AFF3: variants seen among roughly 807,000 people sequenced by gnomAD.
The protein encoded by AFF3 is AF4/FMR2 family member 3.
A neutral mutation model predicts 129.7 loss-of-function variants in AFF3; 32 were observed. That is an observed-to-expected ratio of 0.25 (90% CI 0.19 to 0.33). The LOEUF (loss-of-function observed/expected upper bound fraction) is 0.33. AFF3 is among the 10% of genes least tolerant of loss of function. AFF3 has a pLI of 1.00. For synonymous variants in AFF3, 644 were observed against 635.4 expected, an observed-to-expected ratio of 1.01 and a Z score of -0.20; for missense variants, 1,373 against 1,592.0, an observed-to-expected ratio of 0.86 and a Z score of 2.34.
chr2:99,574,516 A>G (rs1676807312), intron 18 of AFF3, among the ~76,000 whole-genome samples: 1 of 152,016 alleles, frequency 6.6e-6, no homozygotes, highest in Non-Finnish European at 1.5e-5. Context: ...ATTCACCTGC[A>G]TGTAGATTCC....
chr2:100,057,334 A>C (rs1268564303), intron 4 of AFF3, among the ~76,000 whole-genome samples: 16 of 151,056 alleles, frequency 1.1e-4, no homozygotes, highest in Admixed American at 1.1e-3. Context: ...AAAAAAAAAA[A>C]AAAAAAAAAA....
At chr2:100,019,060 G>C (rs1683370704) in intron 4 of AFF3, among the ~76,000 whole-genome samples, 1 of 152,064 alleles carries the variant, frequency 6.6e-6, no homozygotes, top group Non-Finnish European at 1.5e-5. Context: ...TCCTTGCTGT[G>C]GCCACTCAGG....
intron 13 of AFF3, among the ~76,000 whole-genome samples, chr2:99,648,934 C>CTCTCTCTCTT (rs138353584): frequency 6.4e-4 from 76 of 119,378 alleles, no homozygotes; most frequent in East Asian, 1.9e-3. Context: ...CTCTCTCTCT[C>CTCTCTCTCTT]TCTCCAATCT....
At chr2:99,585,218 T>A (rs1183598253) in intron 16 of AFF3, among the ~76,000 whole-genome samples, 1 of 152,226 alleles carries the variant, frequency 6.6e-6, no homozygotes, top group Non-Finnish European at 1.5e-5. Flanking sequence ...ATTTTTACAG[T>A]GCATGGAAAA....
chr2:99,708,242 T>A (rs930101599), intron 11 of AFF3, among the ~76,000 whole-genome samples: 1 of 152,010 alleles, frequency 6.6e-6, no homozygotes, highest in African/African-American at 2.4e-5. Flanking sequence ...GAAGGGATTT[T>A]AAAAAAAACA....
chr2:100,023,337 C>G (rs1219773374), intron 4 of AFF3, among the ~76,000 whole-genome samples: 1 of 152,152 alleles, frequency 6.6e-6, no homozygotes, highest in Non-Finnish European at 1.5e-5. Flanking sequence ...ATCAAGCTAG[C>G]TTTTACCAAA....
intron 9 of AFF3, among the ~76,000 whole-genome samples, chr2:99,745,548 TG>T (rs1558809423): frequency 1.3e-5 from 2 of 152,192 alleles, no homozygotes; most frequent in African/African-American, 4.8e-5. Context: ...CTCATGCCAC[TG>T]ACCTATTATC....
chr2:99,839,838 C>T (rs1689185000), intron 7 of AFF3, among the ~76,000 whole-genome samples: 1 of 151,670 alleles, frequency 6.6e-6, no homozygotes, highest in South Asian at 2.1e-4. Context: ...TCTTGAACTC[C>T]TGACCTTGTG....
At chr2:99,971,264 C>T (rs1160091541) in intron 7 of AFF3, among the ~76,000 whole-genome samples, 1 of 152,216 alleles carries the variant, frequency 6.6e-6, no homozygotes, top group Admixed American at 6.5e-5. Context: ...TCCGCCAGGA[C>T]TTGCTGCCTG....
rs1214026177 is a variant in AFF3, at chr2:99,724,676, G to A, written c.1091+2401C>T. On this transcript the variant is annotated intron_variant, in intron 11 of 24. Coordinates refer to ENST00000672756, the MANE Select transcript of AFF3 (RefSeq NM_001386135.1). ...TCAGATAGATGCTGCACATAAGAAT[G>A]TAAAATACTACACAAATCAAAGGCA... Among the ~76,000 whole-genome samples, 2 of 152,110 alleles carry A rather than the reference G, an allele frequency of 1.3e-5. 1 individual carries two copies. The highest frequency in any genetic ancestry group is 1.3e-4 in the Admixed American group (2 of 15,258).
intron 7 of AFF3, among the ~76,000 whole-genome samples, chr2:99,943,665 T>C (rs1303388195): frequency 3.9e-5 from 6 of 152,202 alleles, no homozygotes; most frequent in Non-Finnish European, 5.9e-5. Context: ...ACTGAATAAA[T>C]TGTCTGTTTA....
At chr2:99,675,063 T>C (rs1687489864) in intron 11 of AFF3, among the ~76,000 whole-genome samples, 1 of 152,214 alleles carries the variant, frequency 6.6e-6, no homozygotes, top group African/African-American at 2.4e-5. Context: ...GACTCATCTA[T>C]CTCATCATCA....
At chr2:100,141,659 T>G (rs947223897) in intron 1 of AFF3, among the ~76,000 whole-genome samples, 10 of 152,348 alleles carry the variant, frequency 6.6e-5, no homozygotes, top group East Asian at 3.9e-4. Flanking sequence ...TATTTCATTT[T>G]TATATATGTG....
chr2:99,860,365 A>T (rs890282500), intron 7 of AFF3, among the ~76,000 whole-genome samples: 7 of 152,242 alleles, frequency 4.6e-5, no homozygotes, highest in African/African-American at 1.7e-4. Context: ...CATCCTGGCT[A>T]ACATGGTGAA....
At chr2:99,811,349 G>C (rs1686773771) in intron 8 of AFF3, among the ~76,000 whole-genome samples, 1 of 152,034 alleles carries the variant, frequency 6.6e-6, no homozygotes. Context: ...CAGCTACTTT[G>C]CAAGACAAGT....
At chr2:99,932,709 T>A (rs929144176) in intron 7 of AFF3, among the ~76,000 whole-genome samples, 1 of 151,820 alleles carries the variant, frequency 6.6e-6, no homozygotes, top group Admixed American at 6.6e-5. Flanking sequence ...CTTGAATTCA[T>A]CTGTGTCTGG....
intron 7 of AFF3, among the ~76,000 whole-genome samples, chr2:99,991,488 C>T (rs1198688268): frequency 6.6e-6 from 1 of 152,144 alleles, no homozygotes; most frequent in African/African-American, 2.4e-5. Context: ...CTCTCTGTTG[C>T]CAGACTTAGA....
chr2:99,928,038 T>A (rs1053894738), intron 7 of AFF3, among the ~76,000 whole-genome samples: 2 of 151,988 alleles, frequency 1.3e-5, no homozygotes. Context: ...CCTGCTGCCA[T>A]CCACATAAGA....
intron 20 of AFF3, among the ~76,000 whole-genome samples, chr2:99,565,125 T>G (rs1255777734): frequency 1.3e-5 from 2 of 152,102 alleles, no homozygotes; most frequent in African/African-American, 4.8e-5. Flanking sequence ...CTGATGGAGC[T>G]AAGATTTAGA....
Sources: gnomAD v4.1 joint callset for allele counts (sites outside exome capture counted in the v4.1 genomes callset) on GRCh38, gnomAD v4.1.1 for gene constraint, MANE v1.5 for transcripts, NCBI Gene and HGNC (gene_info 2026-07-23, HGNC 2026-07-21) for gene names.